The following ZNF438 variants were observed in gnomAD, a reference collection of about 807,000 sequenced individuals.
ZNF438 encodes the protein zinc finger protein 438.
Under a neutral mutation model 38.0 loss-of-function variants are expected in ZNF438, and 25 were observed. The observed-to-expected ratio is 0.66, with a 90% confidence interval of 0.48 to 0.92. The LOEUF is 0.92. Ranked by LOEUF, ZNF438 falls within the 40% of genes least tolerant of loss-of-function variation. The pLI, the probability that ZNF438 is intolerant of heterozygous loss-of-function variation, is 0.00. For synonymous variants in ZNF438, 372 were observed against 364.1 expected, an observed-to-expected ratio of 1.02 and a Z score of -0.25; for missense variants, 1,007 against 999.6, an observed-to-expected ratio of 1.01 and a Z score of -0.10.
Position 30,930,015 on chromosome 10 carries a change from C to T in ZNF438, c.-115+11560G>A, listed in dbSNP as rs555365203. 2.5e-4 allele frequency among the ~76,000 whole-genome samples: 38 copies of T among 152,382 alleles called. No individual in the cohort carries two copies. The East Asian group carries it at 5.8e-3, about 23-fold the overall frequency. ...ATCTGGCTTCACCTAGTGGATCCCT[C>T]GCCAGGGCCGCAGGTGGAGCTGCAG... On this transcript the variant is annotated intron_variant, in intron 2 of 5. Transcript: ENST00000413025.
At chr10:31,022,340 C>G (rs2056655909) in intron 1 of ZNF438, among the ~76,000 whole-genome samples, 1 of 152,046 alleles carries the variant, frequency 6.6e-6, no homozygotes, top group African/African-American at 2.4e-5. Flanking sequence ...CAACTCACTG[C>G]AACCTCTGCC....
chr10:30,905,327 C>T (rs1589126003), intron 3 of ZNF438, among the ~76,000 whole-genome samples: 1 of 152,330 alleles, frequency 6.6e-6, no homozygotes, highest in Middle Eastern at 3.4e-3. Flanking sequence ...AGGCATGAAG[C>T]AGTGTTTCAT....
chr10:30,869,739 TAAAATGGTAC>T (rs1156445215), intron 4 of ZNF438, among the ~76,000 whole-genome samples: 1 of 152,210 alleles, frequency 6.6e-6, no homozygotes, highest in Non-Finnish European at 1.5e-5. Context: ...CTCTGCAGCA[TAAAATGGTAC>T]CAAAAGTCCA....
At chr10:30,872,023 T>C (rs2037489085) in intron 4 of ZNF438, among the ~76,000 whole-genome samples, 1 of 152,134 alleles carries the variant, frequency 6.6e-6, no homozygotes, top group Non-Finnish European at 1.5e-5. Flanking sequence ...AGAAGAACTG[T>C]ATAAGAAAAC....
intron 1 of ZNF438, among the ~76,000 whole-genome samples, chr10:30,983,154 C>A (rs925519486): frequency 2.0e-5 from 3 of 152,078 alleles, no homozygotes; most frequent in African/African-American, 7.2e-5. Flanking sequence ...ACAAAAGGAC[C>A]AAAGAACACA....
chr10:30,890,083 CAA>C (rs71863439), intron 3 of ZNF438, among the ~76,000 whole-genome samples: 4,125 of 93,192 alleles, frequency 0.044, 69 homozygotes, highest in African/African-American at 0.14. Context: ...TTGGCATTTC[CAA>C]AAAAAAAAAA....
intron 4 of ZNF438, among the ~76,000 whole-genome samples, chr10:30,873,881 C>A (rs896632423): frequency 3.9e-5 from 6 of 151,968 alleles, no homozygotes; most frequent in African/African-American, 1.5e-4. Context: ...GATGTCTTAT[C>A]TGAATTTTAT....
At chr10:30,913,687 G>C (rs541156487) in intron 2 of ZNF438, among the ~76,000 whole-genome samples, 3 of 152,194 alleles carry the variant, frequency 2.0e-5, no homozygotes, top group Non-Finnish European at 2.9e-5. Flanking sequence ...ACAGGCACAA[G>C]GGGAAGAAGA....
At chr10:31,004,467 G>T (rs1050227362) in intron 1 of ZNF438, among the ~76,000 whole-genome samples, 1 of 152,124 alleles carries the variant, frequency 6.6e-6, no homozygotes, top group African/African-American at 2.4e-5. Flanking sequence ...AGGAAGCAAT[G>T]GTCAATTGTG....
At chr10:30,931,220 C>T (rs1037210112) in intron 2 of ZNF438, among the ~76,000 whole-genome samples, 4 of 152,164 alleles carry the variant, frequency 2.6e-5, no homozygotes, top group Non-Finnish European at 4.4e-5. Context: ...TGCTAGTGGT[C>T]ATCTTACTGA....
chr10:30,862,599 C>T (rs750756794), intron 4 of ZNF438, among the ~76,000 whole-genome samples: 3 of 152,186 alleles, frequency 2.0e-5, no homozygotes, highest in Non-Finnish European at 2.9e-5. Flanking sequence ...GCCATTGCAC[C>T]CGGCCTACTT....
At chr10:30,996,927 C>T (rs1452028149) in intron 1 of ZNF438, among the ~76,000 whole-genome samples, 1 of 151,992 alleles carries the variant, frequency 6.6e-6, no homozygotes, top group Non-Finnish European at 1.5e-5. Flanking sequence ...TGGGAGGGAA[C>T]CACACTCCTA....
At chr10:31,031,369 A>G (rs2057282056) in intron 1 of ZNF438, among the ~76,000 whole-genome samples, 1 of 152,166 alleles carries the variant, frequency 6.6e-6, no homozygotes, top group South Asian at 2.1e-4. Context: ...GTTATCTTAT[A>G]AATGTGTCCA....
intron 1 of ZNF438, among the ~76,000 whole-genome samples, chr10:31,013,951 C>G (rs1310854936): frequency 6.6e-6 from 1 of 152,116 alleles, no homozygotes; most frequent in Non-Finnish European, 1.5e-5. Flanking sequence ...CCTACTTAAC[C>G]CTCTGCAATC....
At chr10:31,025,263 C>T (rs1399490423) in intron 1 of ZNF438, among the ~76,000 whole-genome samples, 1 of 152,190 alleles carries the variant, frequency 6.6e-6, no homozygotes, top group Non-Finnish European at 1.5e-5. Flanking sequence ...ACATTTTGAA[C>T]TGGATAATTT....
chr10:30,991,910 A>C (rs1171641837), intron 1 of ZNF438, among the ~76,000 whole-genome samples: 1 of 152,206 alleles, frequency 6.6e-6, no homozygotes, highest in Non-Finnish European at 1.5e-5. Context: ...ACCTCTGATC[A>C]AACAGTGGCT....
intron 1 of ZNF438, among the ~76,000 whole-genome samples, chr10:31,031,494 G>A (rs1435497285): frequency 1.3e-5 from 2 of 152,198 alleles, no homozygotes; most frequent in Non-Finnish European, 2.9e-5. Context: ...AGAGGGGGAA[G>A]AAAAGGAATC....
At chr10:31,022,207 C>T (rs1412496444) in intron 1 of ZNF438, among the ~76,000 whole-genome samples, 6 of 152,066 alleles carry the variant, frequency 3.9e-5, no homozygotes, top group Non-Finnish European at 7.4e-5. Context: ...AAAAAAAGGT[C>T]ATAGTCACTG....
intron 1 of ZNF438, among the ~76,000 whole-genome samples, chr10:30,945,413 CT>C (rs1208256959): frequency 2.7e-5 from 4 of 146,106 alleles, no homozygotes; most frequent in South Asian, 2.2e-4. Context: ...TTTTTTTTTA[CT>C]TTTTTTTATT....
Sources: gnomAD v4.1 joint callset for allele counts (sites outside exome capture counted in the v4.1 genomes callset) on GRCh38, gnomAD v4.1.1 for gene constraint, MANE v1.5 for transcripts, NCBI Gene and HGNC (gene_info 2026-07-23, HGNC 2026-07-21) for gene names.